The following SPOCK3 variants were observed in gnomAD, a reference collection of about 807,000 sequenced individuals.
The protein encoded by SPOCK3 is SPARC (osteonectin), cwcv and kazal like domains proteoglycan 3.
SPOCK3 carries 30 observed loss-of-function variants against 56.6 expected under a neutral mutation model. That is an observed-to-expected ratio of 0.53 (90% CI 0.40 to 0.72). SPOCK3 has a LOEUF of 0.72. SPOCK3 is among the 30% of genes least tolerant of loss of function. The pLI is 0.00. For synonymous variants in SPOCK3, 196 were observed against 183.3 expected (o/e 1.07, Z -0.56); for missense variants, 527 against 530.0 (o/e 0.99, Z 0.06).
chr4:167,195,050 G>A (rs1305093607), intron 2 of SPOCK3, among the ~76,000 whole-genome samples: 1 of 152,174 alleles, frequency 6.6e-6, no homozygotes, highest in African/African-American at 2.4e-5. Context: ...ACATGGATGG[G>A]CGTGAGTCCT....
intron 4 of SPOCK3, among the ~76,000 whole-genome samples, chr4:166,941,388 T>TA (rs1467326638): frequency 1.3e-5 from 2 of 152,238 alleles, no homozygotes; most frequent in African/African-American, 4.8e-5. Context: ...GAAGAGAGTT[T>TA]ATCTCATATG....
intron 2 of SPOCK3, among the ~76,000 whole-genome samples, chr4:167,204,759 G>GT (rs908349737): frequency 2.1e-4 from 32 of 151,388 alleles, no homozygotes; most frequent in Non-Finnish European, 2.7e-4. Flanking sequence ...TAAAGTCACT[G>GT]TTTTTTTTCG....
chr4:167,025,625 C>G (rs1561133442), intron 3 of SPOCK3, among the ~76,000 whole-genome samples: 1 of 152,084 alleles, frequency 6.6e-6, no homozygotes, highest in South Asian at 2.1e-4. Flanking sequence ...GTCATTATCA[C>G]CAAGAACTTC....
intron 10 of SPOCK3, 146 bp downstream of exon 10, chr4:166,737,321 T>G: frequency 5.2e-6 from 4 of 774,488 alleles, no homozygotes; most frequent in Non-Finnish European, 7.7e-6. Flanking sequence ...TAGGAGTAAG[T>G]TTTTTTTGTC....
At chr4:167,012,061 A>T (rs901177638) in intron 3 of SPOCK3, among the ~76,000 whole-genome samples, 1 of 152,008 alleles carries the variant, frequency 6.6e-6, no homozygotes, top group Non-Finnish European at 1.5e-5. Context: ...GAATAAATTA[A>T]AAAACTGAAA....
intron 7 of SPOCK3, among the ~76,000 whole-genome samples, chr4:166,785,041 C>T (rs1280776600): frequency 6.6e-6 from 1 of 152,016 alleles, no homozygotes; most frequent in Non-Finnish European, 1.5e-5. Flanking sequence ...AAAATAAAAT[C>T]AAGGTATCTT....
At chr4:167,210,755 T>A (rs112999574) in intron 2 of SPOCK3, among the ~76,000 whole-genome samples, 378 of 152,276 alleles carry the variant, frequency 2.5e-3, no homozygotes, top group African/African-American at 8.5e-3. Context: ...ATTCTCATTT[T>A]TAAAGGCTGA....
chr4:167,147,123 G>T (rs1764027920), intron 2 of SPOCK3, among the ~76,000 whole-genome samples: 1 of 152,050 alleles, frequency 6.6e-6, no homozygotes, highest in African/African-American at 2.4e-5. Flanking sequence ...AAATGATAAA[G>T]GGGATATCAC....
chr4:166,948,619 T>G (rs1450866392), intron 4 of SPOCK3, among the ~76,000 whole-genome samples: 1 of 152,196 alleles, frequency 6.6e-6, no homozygotes, highest in Admixed American at 6.6e-5. Context: ...ATGATTAGTA[T>G]GTTGGGCATT....
Position 166,963,399 on chromosome 4 carries a change from G to A in SPOCK3, c.350+36950C>T, listed in dbSNP as rs372000746. Among the ~76,000 whole-genome samples the A allele has an allele frequency of 1.4e-4, 22 of 151,964 alleles. No individual in the cohort carries two copies. In the South Asian group the frequency reaches 3.9e-3, roughly 27 times the overall value. On this transcript the variant is annotated intron_variant, in intron 4 of 10. Coordinates refer to ENST00000357545, the MANE Select transcript of SPOCK3 (RefSeq NM_001040159.2). ...AAAGAATGACACAGATGCTTCTTTCGTACTCTTTATAAGAAGGTAACATTA... is the reference window on the plus strand; with the variant it reads ...AAAGAATGACACAGATGCTTCTTTCATACTCTTTATAAGAAGGTAACATTA...
rs944916545 is a variant in SPOCK3, at chr4:167,176,481, G to A, written c.189+57504C>T. On this transcript the variant is annotated intron_variant, in intron 2 of 10. Coordinates refer to ENST00000357545, the MANE Select transcript of SPOCK3 (RefSeq NM_001040159.2). ...CATTTTTACCTGAGAATTTCAAATT[G>A]TATGTTTTTCTAATGAATTGCTCTA... Among the ~76,000 whole-genome samples the A allele has an allele frequency of 3.4e-4, 51 of 151,982 alleles. 1 individual carries two copies. Among genetic ancestry groups the A allele is most frequent in the Admixed American group, 3.3e-3 (51 of 15,234 alleles).
intron 9 of SPOCK3, 125 bp downstream of exon 9, chr4:166,741,872 T>G (rs906323955): frequency 2.9e-6 from 2 of 700,254 alleles, no homozygotes; most frequent in Non-Finnish European, 4.9e-6. Flanking sequence ...AAAAAGTTCA[T>G]AAATTTTGTT....
chr4:166,967,796 A>T (rs1035573810), intron 4 of SPOCK3, among the ~76,000 whole-genome samples: 1 of 152,210 alleles, frequency 6.6e-6, no homozygotes, highest in Non-Finnish European at 1.5e-5. Flanking sequence ...GAACTGGGTA[A>T]CAGGCAAAGG....
At chr4:166,812,827 T>C (rs1458904430) in intron 6 of SPOCK3, among the ~76,000 whole-genome samples, 1 of 152,002 alleles carries the variant, frequency 6.6e-6, no homozygotes, top group African/African-American at 2.4e-5. Context: ...TACTCACACA[T>C]GTATACATAC....
At chr4:166,784,254 G>A (rs1740499365) in intron 7 of SPOCK3, among the ~76,000 whole-genome samples, 1 of 151,966 alleles carries the variant, frequency 6.6e-6, no homozygotes, top group South Asian at 2.1e-4. Context: ...AATTTCTCAG[G>A]ACACGATAAT....
chr4:166,941,729 T>C (rs1194910158), intron 4 of SPOCK3, among the ~76,000 whole-genome samples: 1 of 152,188 alleles, frequency 6.6e-6, no homozygotes, highest in Non-Finnish European at 1.5e-5. Flanking sequence ...TTTCTCTTGC[T>C]CTCTCTTGAA....
chr4:166,916,728 G>A (rs1737895189), intron 4 of SPOCK3, among the ~76,000 whole-genome samples: 1 of 152,082 alleles, frequency 6.6e-6, no homozygotes, highest in South Asian at 2.1e-4. Flanking sequence ...ATCAGCCTTG[G>A]CAAGCCAGCC....
At chr4:167,076,553 A>G (rs2150279411) in intron 2 of SPOCK3, among the ~76,000 whole-genome samples, 1 of 152,054 alleles carries the variant, frequency 6.6e-6, no homozygotes, top group Admixed American at 6.6e-5. Context: ...TACATCTCTA[A>G]TTATAATGAA....
intron 2 of SPOCK3, among the ~76,000 whole-genome samples, chr4:167,133,639 G>A (rs556118223): frequency 3.3e-5 from 5 of 152,300 alleles, no homozygotes; most frequent in South Asian, 4.1e-4. Context: ...AATCACACGA[G>A]TTATCTTACT....
Sources: gnomAD v4.1 joint callset for allele counts (sites outside exome capture counted in the v4.1 genomes callset) on GRCh38, gnomAD v4.1.1 for gene constraint, MANE v1.5 for transcripts, NCBI Gene and HGNC (gene_info 2026-07-23, HGNC 2026-07-21) for gene names.